PSD3: variants seen among roughly 807,000 people sequenced by gnomAD.
PSD3 encodes the protein pleckstrin and Sec7 domain containing 3.
PSD3 carries 49 observed loss-of-function variants against 105.5 expected under a neutral mutation model. That is an observed-to-expected ratio of 0.46 (90% CI 0.37 to 0.59). The LOEUF (loss-of-function observed/expected upper bound fraction) is 0.59. PSD3 is among the 20% of genes least tolerant of loss of function. The pLI is 0.00. For missense variants in PSD3, 1,561 were observed against 1,263.8 expected, an observed-to-expected ratio of 1.24 and a Z score of -3.57; for synonymous variants, 557 against 457.8, an observed-to-expected ratio of 1.22 and a Z score of -2.77.
chr8:18,667,418 C>T (rs1039966704), intron 9 of PSD3, among the ~76,000 whole-genome samples: 3 of 152,074 alleles, frequency 2.0e-5, no homozygotes, highest in Admixed American at 6.5e-5. Context: ...TACAGAGTGC[C>T]GATTGGTGTA....
At chr8:18,624,313 T>C (rs1184459091) in intron 11 of PSD3, among the ~76,000 whole-genome samples, 4 of 152,110 alleles carry the variant, frequency 2.6e-5, no homozygotes, top group Non-Finnish European at 5.9e-5. Flanking sequence ...AAATGACATT[T>C]CACTATATGT....
chr8:18,667,120 G>A (rs905109113), intron 9 of PSD3, among the ~76,000 whole-genome samples: 2 of 152,092 alleles, frequency 1.3e-5, no homozygotes, highest in African/African-American at 4.8e-5. Flanking sequence ...GGACCCCAGC[G>A]AGTTGCCACT....
intron 8 of PSD3, among the ~76,000 whole-genome samples, chr8:18,781,733 A>G (rs571498420): frequency 6.6e-6 from 1 of 152,282 alleles, no homozygotes; most frequent in South Asian, 2.1e-4. Flanking sequence ...CTATATCTAG[A>G]TGTCTGTATC....
chr8:18,833,113 T>C (rs540875270), intron 4 of PSD3, among the ~76,000 whole-genome samples: 5 of 152,196 alleles, frequency 3.3e-5, no homozygotes, highest in Admixed American at 3.3e-4. Context: ...AGCAATGCAA[T>C]AGAACACATA....
At chr8:18,619,055 T>A (rs527307205) in intron 11 of PSD3, among the ~76,000 whole-genome samples, 49 of 152,072 alleles carry the variant, frequency 3.2e-4, no homozygotes, top group Non-Finnish European at 6.6e-4. Flanking sequence ...TCAAAGTGTT[T>A]TTTAAAAAAT....
At chr8:18,917,150 G>GGAACCAA (rs1820675794) in intron 2 of PSD3, among the ~76,000 whole-genome samples, 1 of 152,096 alleles carries the variant, frequency 6.6e-6, no homozygotes, top group South Asian at 2.1e-4. Context: ...TATCATATCA[G>GGAACCAA]TAACCAATAT....
intron 10 of PSD3, among the ~76,000 whole-genome samples, chr8:18,639,143 C>T (rs182043594): frequency 5.9e-5 from 9 of 152,288 alleles, no homozygotes; most frequent in African/African-American, 1.7e-4. Flanking sequence ...TCCTTGCATC[C>T]CAAGAGAGGG....
At chr8:18,650,010 C>T (rs1808357746) in intron 10 of PSD3, among the ~76,000 whole-genome samples, 1 of 152,180 alleles carries the variant, frequency 6.6e-6, no homozygotes, top group East Asian at 1.9e-4. Context: ...ATTACCCAGT[C>T]TTAAGTATTG....
intron 1 of PSD3, among the ~76,000 whole-genome samples, chr8:19,067,188 T>C (rs1586687475): frequency 6.6e-6 from 1 of 152,344 alleles, no homozygotes; most frequent in South Asian, 2.1e-4. Context: ...TGTGCCTTCG[T>C]TTGTGAGACA....
rs551245887 is a variant in PSD3 at position 18,534,374 on chromosome 8, C to T, written c.*1369G>A. On this transcript the variant is annotated 3_prime_UTR_variant, in exon 16 of 16. Transcript: ENST00000327040. Reference sequence around the variant, plus strand: ...GCTAAACTTTCACTCCTTTCTCTTCCTCTACAGAAGAATATTCTGTTTATC... The same window carrying T: ...GCTAAACTTTCACTCCTTTCTCTTCTTCTACAGAAGAATATTCTGTTTATC... The T allele has an allele frequency of 6.6e-6, 1 of 152,580 alleles. No individual in the cohort carries two copies. The highest frequency in any genetic ancestry group is 1.5e-5 in the Non-Finnish European group (1 of 68,030). The allele number at this position is 152,580 out of a possible 1,614,324, so 9.5% of individuals were successfully genotyped here.
At chr8:18,696,019 C>T (rs1393387331) in intron 9 of PSD3, among the ~76,000 whole-genome samples, 1 of 152,220 alleles carries the variant, frequency 6.6e-6, no homozygotes, top group African/African-American at 2.4e-5. Flanking sequence ...AAGGGCACAT[C>T]CAGCGTCACC....
intron 1 of PSD3, among the ~76,000 whole-genome samples, chr8:18,983,810 G>A (rs1041896290): frequency 1.3e-5 from 2 of 151,616 alleles, no homozygotes; most frequent in East Asian, 3.9e-4. Context: ...ACTAGCCAGG[G>A]CAACATAGCC....
chr8:18,971,154 T>A (rs576825205), intron 1 of PSD3, among the ~76,000 whole-genome samples: 1 of 152,106 alleles, frequency 6.6e-6, no homozygotes, highest in Non-Finnish European at 1.5e-5. Context: ...GACCTTCCTA[T>A]GTAGATTACA....
chr8:19,061,442 A>G (rs1243412383), intron 1 of PSD3, among the ~76,000 whole-genome samples: 1 of 152,198 alleles, frequency 6.6e-6, no homozygotes, highest in Non-Finnish European at 1.5e-5. Context: ...CTGTGCTTGA[A>G]TCAGGAGCGG....
chr8:18,795,467 C>A (rs764157724), intron 8 of PSD3, among the ~76,000 whole-genome samples: 1 of 152,198 alleles, frequency 6.6e-6, no homozygotes, highest in Non-Finnish European at 1.5e-5. Flanking sequence ...TTAAAAGGTA[C>A]ATTTTGTCAA....
chr8:19,058,988 T>C (rs1828800158), intron 1 of PSD3, among the ~76,000 whole-genome samples: 1 of 152,194 alleles, frequency 6.6e-6, no homozygotes, highest in African/African-American at 2.4e-5. Context: ...CCTGAAGAGA[T>C]ATAGCATATA....
chr8:18,600,108 G>C (rs1207987155), intron 12 of PSD3, among the ~76,000 whole-genome samples: 5 of 152,126 alleles, frequency 3.3e-5, no homozygotes, highest in African/African-American at 1.2e-4. Flanking sequence ...TGGCTATGCT[G>C]GACAAAGGGA....
At chr8:18,772,516 T>C (rs1401337077) in intron 8 of PSD3, among the ~76,000 whole-genome samples, 1 of 152,180 alleles carries the variant, frequency 6.6e-6, no homozygotes, top group African/African-American at 2.4e-5. Flanking sequence ...ACTTCTTTTA[T>C]TCTTTTTTTG....
intron 1 of PSD3, among the ~76,000 whole-genome samples, chr8:18,955,024 G>C (rs1823477864): frequency 6.6e-6 from 1 of 152,346 alleles, no homozygotes; most frequent in South Asian, 2.1e-4. Context: ...GTGCTAGTCA[G>C]CTTTCACTAG....
Sources: gnomAD v4.1 joint callset for allele counts (sites outside exome capture counted in the v4.1 genomes callset) on GRCh38, gnomAD v4.1.1 for gene constraint, MANE v1.5 for transcripts, NCBI Gene and HGNC (gene_info 2026-07-23, HGNC 2026-07-21) for gene names.